The following CCK variants were observed in gnomAD, a reference collection of about 807,000 sequenced individuals.
CCK encodes the protein cholecystokinin, also known as cholecystokinin triacontatriapeptide.
In CCK, 11 loss-of-function variants were observed where a neutral mutation model predicts 10.1. That is an observed-to-expected ratio of 1.09 (90% CI 0.69 to 1.81). The LOEUF is 1.81. Ranked by LOEUF, CCK falls within the 40% of genes most tolerant of loss-of-function variation. The pLI is 0.00. For missense variants in CCK, 137 were observed against 159.9 expected, an observed-to-expected ratio of 0.86 and a Z score of 0.77; for synonymous variants, 83 against 71.9, an observed-to-expected ratio of 1.15 and a Z score of -0.78.
chr3:42,264,637 A>G (rs1443248912), intron 3 of CCK, 60 bp downstream of exon 3: 1 of 152,194 alleles, frequency 6.6e-6, no homozygotes, highest in African/African-American at 2.4e-5. Flanking sequence ...AAAGCTGAAG[A>G]CAGCATCCTT....
chr3:42,258,272 T>TA, intron 4 of CCK, 41 bp from the exon 5 acceptor site: 2 of 1,594,658 alleles, frequency 1.3e-6, no homozygotes, highest in South Asian at 1.1e-5. Context: ...ACATTGCATC[T>TA]AAAAGCATCT....
intron 4 of CCK, among the ~76,000 whole-genome samples, chr3:42,262,489 G>C (rs1711231103): frequency 6.6e-6 from 1 of 152,134 alleles, no homozygotes. Context: ...CAAAGTGCTG[G>C]GATTACAGGT....
chr3:42,265,805 C>T lies in CCK; in HGVS notation c.-504G>A, dbSNP rs1711279419. ...GCCTTTCCCTGCACGCGGTTACTCTCCCGGCTCCGGAGCGGGCCGACCTGG... is the reference window on the plus strand; with the variant it reads ...GCCTTTCCCTGCACGCGGTTACTCTTCCGGCTCCGGAGCGGGCCGACCTGG... On this transcript the variant is annotated 5_prime_UTR_variant, in exon 1 of 5. Transcript: ENST00000396169. The T allele has an allele frequency of 1.3e-5, 2 of 152,280 alleles. No homozygotes were observed. The allele number at this position is 152,280 out of a possible 1,614,324, so 9.4% of individuals were successfully genotyped here. A position where few individuals can be genotyped will look rare whatever the true frequency, so the allele number is the denominator to read the frequency against.
rs1196992032 is a variant in CCK, at chr3:42,265,934, C to T, written c.-633G>A. The T allele has an allele frequency of 1.3e-5, 2 of 152,394 alleles. No individual in the cohort carries two copies. Among genetic ancestry groups the T allele is most frequent in the African/African-American group, 4.8e-5 (2 of 41,524 alleles). 9.4% of individuals were successfully genotyped at this position (152,394 alleles called of 1,614,324 possible). ...GCGTCCCTGCAAAGGCACTGCCAAC[C>T]CCATTTCACAGACCGCAAACCGAGG... On this transcript the variant is annotated 5_prime_UTR_variant, in exon 1 of 5. Coordinates refer to ENST00000396169, the MANE Select transcript of CCK (RefSeq NM_000729.6).
chr3:42,258,330 T>A (rs1711167139), intron 4 of CCK, 99 bp from the exon 5 acceptor site: 1 of 1,307,284 alleles, frequency 7.6e-7, no homozygotes, highest in Non-Finnish European at 1.1e-6. Flanking sequence ...AGACGCAATA[T>A]AACAGACACC....
chr3:42,263,715 G>C (rs1711250294), intron 3 of CCK, 83 bp from the exon 4 acceptor site: 1 of 1,451,588 alleles, frequency 6.9e-7, no homozygotes, highest in Admixed American at 2.7e-5. Flanking sequence ...CCCAGAAGCG[G>C]GCTTAGGACA....
At chr3:42,263,087 C>A (rs1286697050) in intron 4 of CCK, 5 of 415,832 alleles carry the variant, frequency 1.2e-5, no homozygotes, top group Non-Finnish European at 2.2e-5. Flanking sequence ...AGGTCCTTTG[C>A]GTTTTCAGTA....
chr3:42,264,454 C>A (rs1711259722), intron 3 of CCK, among the ~76,000 whole-genome samples: 1 of 152,204 alleles, frequency 6.6e-6, no homozygotes, highest in Admixed American at 6.5e-5. Flanking sequence ...CGAATCTTAG[C>A]GAATGGGTAG....
At chr3:42,261,034 T>C (rs1266303110) in intron 4 of CCK, among the ~76,000 whole-genome samples, 1 of 152,186 alleles carries the variant, frequency 6.6e-6, no homozygotes, top group East Asian at 1.9e-4. Context: ...AGGGCTGTTG[T>C]ACTGAGAAAG....
rs756320666 is a variant in CCK at position 42,263,259 on chromosome 3, A to G, written c.214+158T>C. 5.5e-6 allele frequency: 6 copies of G among 1,096,718 alleles called. No individual in the cohort carries two copies. In the African/African-American group the frequency reaches 9.2e-5, roughly 17 times the overall value. The allele number at this position is 1,096,718 out of a possible 1,614,324, so 67.9% of individuals were successfully genotyped here. ...CTTACTTATAAATTAAGTCCTCCAT[A>G]CCCCTTCTCAGATTGCTACAAAGGA... On this transcript the variant is annotated intron_variant, in intron 4 of 4. Coordinates refer to ENST00000396169, the MANE Select transcript of CCK (RefSeq NM_000729.6).
rs1359943449 is a variant in CCK at position 42,266,163 on chromosome 3, C to A, written c.-862G>T. ...TATTTTAAAATCGGAATCCGTATTC[C>A]GCTCTGGAATTCCCTCTGGAATGGA... On this transcript the variant is annotated 5_prime_UTR_variant, in exon 1 of 5. Coordinates refer to ENST00000396169, the MANE Select transcript of CCK (RefSeq NM_000729.6). 3 of 150,056 alleles carry A rather than the reference C, an allele frequency of 2.0e-5. No homozygotes were observed. The highest frequency in any genetic ancestry group is 2.2e-4 in the South Asian group (1 of 4,610). 9.3% of individuals were successfully genotyped at this position (150,056 alleles called of 1,614,324 possible).
intron 4 of CCK, among the ~76,000 whole-genome samples, chr3:42,262,075 C>A (rs896836366): frequency 5.9e-5 from 9 of 152,054 alleles, no homozygotes; most frequent in Non-Finnish European, 1.3e-4. Context: ...CTCTGCAGAG[C>A]CAAAACTCTT....
chr3:42,262,184 T>C (rs1167320564), intron 4 of CCK, among the ~76,000 whole-genome samples: 4 of 147,710 alleles, frequency 2.7e-5, no homozygotes, highest in Non-Finnish European at 6.0e-5. Context: ...GCAACACACC[T>C]ACCACATCCC....
intron 3 of CCK, chr3:42,264,040 AC>A (rs1331860352): frequency 5.9e-6 from 1 of 170,138 alleles, no homozygotes; most frequent in Non-Finnish European, 1.2e-5. Flanking sequence ...AGAAATGAGA[AC>A]CCTGGGGAAA....
Position 42,257,905 on chromosome 3 carries a change from T to C in CCK, c.*193A>G. The C allele has an allele frequency of 1.9e-6, 1 of 535,722 alleles. No individual in the cohort carries two copies. Among genetic ancestry groups the C allele is most frequent in the Non-Finnish European group, 3.2e-6 (1 of 309,316 alleles). The allele number at this position is 535,722 out of a possible 1,614,324, so 33.2% of individuals were successfully genotyped here. A position where few individuals can be genotyped will look rare whatever the true frequency, so the allele number is the denominator to read the frequency against. On this transcript the variant is annotated 3_prime_UTR_variant, in exon 5 of 5. Coordinates refer to ENST00000396169, the MANE Select transcript of CCK (RefSeq NM_000729.6). ...TGAAGAAAACATTTTGTCTTCCATT[T>C]GCACAATTCTGGTGAGGTGTGTGGT...
At chr3:42,263,778 G>A (rs1442179993) in intron 3 of CCK, 146 bp from the exon 4 acceptor site, 1 of 1,365,640 alleles carries the variant, frequency 7.3e-7, no homozygotes, top group African/African-American at 1.5e-5. Context: ...GGCTCGCCAA[G>A]CGCTGACCCC....
At chr3:42,258,279 A>G (rs1459378754) in intron 4 of CCK, 48 bp from the exon 5 acceptor site, 1 of 1,594,458 alleles carries the variant, frequency 6.3e-7, no homozygotes, top group East Asian at 2.2e-5. Flanking sequence ...ATCTAAAAGC[A>G]TCTCTAGTTC....
At chr3:42,264,503 A>G (rs1486390981) in intron 3 of CCK, among the ~76,000 whole-genome samples, 194 bp downstream of exon 3, 4 of 152,078 alleles carry the variant, frequency 2.6e-5, no homozygotes, top group African/African-American at 9.7e-5. Flanking sequence ...AAGGCTCTAA[A>G]GCAGCTCTAC....
At chr3:42,260,429 C>G (rs940831987) in intron 4 of CCK, among the ~76,000 whole-genome samples, 2 of 152,140 alleles carry the variant, frequency 1.3e-5, no homozygotes, top group Non-Finnish European at 2.9e-5. Context: ...AGCTTCAATA[C>G]GAGCAAGCAG....
Sources: gnomAD v4.1 joint callset for allele counts (sites outside exome capture counted in the v4.1 genomes callset) on GRCh38, gnomAD v4.1.1 for gene constraint, MANE v1.5 for transcripts, NCBI Gene and HGNC (gene_info 2026-07-23, HGNC 2026-07-21) for gene names.